CACNA1E: variants seen among roughly 807,000 people sequenced by gnomAD.
The protein encoded by CACNA1E is voltage-dependent R-type calcium channel subunit alpha-1E.
CACNA1E carries 40 observed loss-of-function variants against 259.2 expected under a neutral mutation model. The ratio of observed to expected loss-of-function variants is 0.15; its 90% CI spans 0.12 to 0.20. The LOEUF (loss-of-function observed/expected upper bound fraction) is 0.20, where lower values mean the gene tolerates loss of function less well. CACNA1E is among the 10% of genes least tolerant of loss of function. The probability of loss-of-function intolerance (pLI) is 1.00; values close to 1 mark genes in which losing one functional copy is unlikely to be tolerated. For missense variants in CACNA1E, 1,874 were observed against 3,040.1 expected, an observed-to-expected ratio of 0.62 and a Z score of 9.02; for synonymous variants, 1,104 against 1,138.5, an observed-to-expected ratio of 0.97 and a Z score of 0.61.
chr1:181,552,653 T>C (rs922229877), intron 3 of CACNA1E, among the ~76,000 whole-genome samples: 1 of 152,186 alleles, frequency 6.6e-6, no homozygotes, highest in African/African-American at 2.4e-5. Flanking sequence ...TATATATTTA[T>C]TATTTTACTT....
chr1:181,791,538 G>A (rs182241740), intron 44 of CACNA1E, among the ~76,000 whole-genome samples: 1 of 152,254 alleles, frequency 6.6e-6, no homozygotes, highest in East Asian at 1.9e-4. Flanking sequence ...AAGAAGAGAG[G>A]AGAGATTCAA....
intron 25 of CACNA1E, among the ~76,000 whole-genome samples, chr1:181,747,096 G>C (rs1171815337): frequency 6.6e-6 from 1 of 152,242 alleles, no homozygotes; most frequent in Non-Finnish European, 1.5e-5. Context: ...GCTCCTCACA[G>C]CATGACCCCT....
At chr1:181,569,167 G>C (rs1044116889) in intron 3 of CACNA1E, among the ~76,000 whole-genome samples, 10 of 152,170 alleles carry the variant, frequency 6.6e-5, no homozygotes, top group African/African-American at 2.4e-4. Context: ...TTTAATGTAT[G>C]TCTCTTTCAT....
At chr1:181,518,508 T>C (rs1666757832) in intron 3 of CACNA1E, among the ~76,000 whole-genome samples, 1 of 152,166 alleles carries the variant, frequency 6.6e-6, no homozygotes, top group African/African-American at 2.4e-5. Context: ...AGGATTTCGA[T>C]TCCAGGGAGA....
chr1:181,663,719 T>C (rs1416250189), intron 7 of CACNA1E, among the ~76,000 whole-genome samples: 1 of 152,246 alleles, frequency 6.6e-6, no homozygotes, highest in Non-Finnish European at 1.5e-5. Context: ...TTCTGGAATG[T>C]TGATCCCAGC....
chr1:181,500,947 G>T (rs1665196886), intron 1 of CACNA1E, among the ~76,000 whole-genome samples: 1 of 151,214 alleles, frequency 6.6e-6, no homozygotes, highest in African/African-American at 2.4e-5. Flanking sequence ...GGGTGGGGTT[G>T]CTGATTGCAC....
chr1:181,342,282 A>C (rs11579618), intron 1 of CACNA1E, among the ~76,000 whole-genome samples: 15,905 of 152,188 alleles, frequency 0.1, 1,119 homozygotes, highest in Middle Eastern at 0.19. Context: ...ATAGCCTTAT[A>C]AAGCATTTGG....
At chr1:181,361,240 T>C (rs1312549104) in intron 1 of CACNA1E, among the ~76,000 whole-genome samples, 1 of 152,198 alleles carries the variant, frequency 6.6e-6, no homozygotes, top group Non-Finnish European at 1.5e-5. Context: ...TGTGTCTTCC[T>C]TCCCTGAGGC....
intron 6 of CACNA1E, among the ~76,000 whole-genome samples, chr1:181,591,759 C>T (rs1652673768): frequency 6.6e-6 from 1 of 152,104 alleles, no homozygotes; most frequent in Non-Finnish European, 1.5e-5. Context: ...ATCTCTGTGC[C>T]TTTATTTTTC....
At chr1:181,499,499 A>G (rs1380776486) in intron 1 of CACNA1E, among the ~76,000 whole-genome samples, 2 of 152,280 alleles carry the variant, frequency 1.3e-5, no homozygotes, top group East Asian at 3.9e-4. Context: ...CTCAGCATCT[A>G]CATCTGTAAA....
chr1:181,630,353 C>G (rs1656599060), intron 6 of CACNA1E, among the ~76,000 whole-genome samples: 1 of 151,616 alleles, frequency 6.6e-6, no homozygotes, highest in South Asian at 2.1e-4. Flanking sequence ...GCTTTGTCTT[C>G]ATGCATGGGA....
chr1:181,656,157 A>G (rs925688382), intron 7 of CACNA1E, among the ~76,000 whole-genome samples: 2 of 152,210 alleles, frequency 1.3e-5, no homozygotes, highest in Non-Finnish European at 2.9e-5. Context: ...TTATTTTACA[A>G]TTTATTCCTA....
At chr1:181,441,136 G>A (rs1238129002) in intron 2 of CACNA1E, among the ~76,000 whole-genome samples, 5 of 151,710 alleles carry the variant, frequency 3.3e-5, no homozygotes, top group African/African-American at 4.8e-5. Context: ...ATCTTTAATC[G>A]GCTAAGTTAA....
chr1:181,449,854 T>C (rs1015530045), intron 2 of CACNA1E, among the ~76,000 whole-genome samples: 6 of 152,160 alleles, frequency 3.9e-5, no homozygotes, highest in Non-Finnish European at 8.8e-5. Flanking sequence ...TGCAATATAG[T>C]GTTATCATTG....
chr1:181,535,693 T>C (rs1299267186), intron 3 of CACNA1E, among the ~76,000 whole-genome samples: 1 of 151,332 alleles, frequency 6.6e-6, no homozygotes, highest in Admixed American at 6.6e-5. Flanking sequence ...TTATTTCTTT[T>C]TTTTTTTTTT....
chr1:181,774,892 G>A (rs1386943080), intron 37 of CACNA1E, among the ~76,000 whole-genome samples: 1 of 152,202 alleles, frequency 6.6e-6, no homozygotes, highest in Non-Finnish European at 1.5e-5. Context: ...AGAAAGCCCA[G>A]CTAAATCTGC....
chr1:181,696,812 C>G (rs1651756621), intron 7 of CACNA1E, among the ~76,000 whole-genome samples: 1 of 152,096 alleles, frequency 6.6e-6, no homozygotes, highest in Non-Finnish European at 1.5e-5. Flanking sequence ...AAAAAAAGAT[C>G]AGTGTTTATT....
intron 1 of CACNA1E, among the ~76,000 whole-genome samples, chr1:181,336,995 A>ATAT (rs1305242520): frequency 2.7e-5 from 4 of 148,446 alleles, no homozygotes; most frequent in African/African-American, 9.8e-5. Flanking sequence ...TTATATATCT[A>ATAT]TATTTATTTT....
chr1:181,599,621 G>A (rs565611935), intron 6 of CACNA1E, among the ~76,000 whole-genome samples: 1 of 152,236 alleles, frequency 6.6e-6, no homozygotes, highest in Non-Finnish European at 1.5e-5. Flanking sequence ...CTCTGTAGGT[G>A]CAGGGATGTC....
Sources: allele counts gnomAD v4.1 joint callset (sites outside exome capture counted in the v4.1 genomes callset), GRCh38; gene constraint gnomAD v4.1.1; transcripts MANE v1.5; gene names NCBI Gene and HGNC (gene_info 2026-07-23, HGNC 2026-07-21).